Variants in TJP3 observed in about 807,000 individuals in gnomAD.
TJP3 encodes the protein tight junction protein 3.
A neutral mutation model predicts 104.2 loss-of-function variants in TJP3; 85 were observed. The ratio of observed to expected loss-of-function variants is 0.82; its 90% CI spans 0.68 to 0.98. The LOEUF (loss-of-function observed/expected upper bound fraction) is 0.98, where lower values mean the gene tolerates loss of function less well. TJP3 is among the 50% of genes least tolerant of loss of function. TJP3 has a pLI of 0.00. For missense variants in TJP3, 1,367 were observed against 1,322.8 expected (o/e 1.03, Z -0.52); for synonymous variants, 550 against 550.6 (o/e 1.00, Z 0.02).
At chr19:3,749,153 CCACCG>C (rs892067076) in intron 19 of TJP3, among the ~76,000 whole-genome samples, 3 of 151,812 alleles carry the variant, frequency 2.0e-5, no homozygotes, top group African/African-American at 7.3e-5. Context: ...GAGGCGTGAG[CCACCG>C]CACCTGGCCT....
chr19:3,743,794 G>A, intron 14 of TJP3, 145 bp from the exon 15 acceptor site: 1 of 673,986 alleles, frequency 1.5e-6, no homozygotes, highest in Non-Finnish European at 2.6e-6. Context: ...AAAGGACACT[G>A]GGAGATGTAG....
chr19:3,736,319 C>CA lies in TJP3; in HGVS notation c.1283dup (p.Val429GlyfsTer3). On this transcript the variant is annotated frameshift_variant and splice_region_variant, in exon 11 of 21. Transcript: ENST00000541714. LOFTEE classifies it high-confidence loss of function. ...CATCCAGGAGGGAGATCAGATTCTG[C>CA]AGGTGCTCCGGGGGCGGCTGGCCAG... 6.5e-7 allele frequency: 1 copy of CA among 1,528,294 alleles called. No homozygotes were observed. The highest frequency in any genetic ancestry group is 8.8e-7 in the Non-Finnish European group (1 of 1,138,784). The allele number at this position is 1,528,294 out of a possible 1,614,324, so 94.7% of individuals were successfully genotyped here.
chr19:3,746,572 C>A lies in TJP3; in HGVS notation c.2098C>A (p.Pro700Thr). Residue 700 changes from proline (P) to threonine (T), a missense_variant, in exon 17 of 21, where the codon CCC becomes ACC. Physicochemically the swap from Pro to Thr is conservative, Grantham distance 38. Coordinates refer to ENST00000541714, the MANE Select transcript of TJP3 (RefSeq NM_001267560.2). The surrounding 1 kb of genome is among the most constrained non-coding windows in gnomAD (Gnocchi z 4.1). The stretch of plus-strand genomic sequence containing the variant: ...CTACCCCATTGTGGTCTTCTTCATC[C>A]CCGAGAGCCGGCCGGCCCTCAAGGC... ...QYYPIVVFFI[P>T]ESRPALKALR... 1 of 1,614,018 alleles carries A rather than the reference C, an allele frequency of 6.2e-7. No individual in the cohort carries two copies. Among genetic ancestry groups the A allele is most frequent in the South Asian group, 1.1e-5 (1 of 91,092 alleles).
chr19:3,728,352 A>G (rs1398090906), intron 1 of TJP3, 72 bp from the exon 2 acceptor site: 1 of 1,612,068 alleles, frequency 6.2e-7, no homozygotes, highest in African/African-American at 1.3e-5. Context: ...CCCCACCCTG[A>G]GCTGGGGACC....
At chr19:3,711,500 A>C (rs996670081) in intron 1 of TJP3, among the ~76,000 whole-genome samples, 6 of 150,436 alleles carry the variant, frequency 4.0e-5, no homozygotes, top group Non-Finnish European at 8.9e-5. Context: ...CGTCCGGCCA[A>C]AATGAAGGGA....
At chr19:3,728,362 C>G (rs2036624506) in intron 1 of TJP3, 62 bp from the exon 2 acceptor site, 1 of 1,613,140 alleles carries the variant, frequency 6.2e-7, no homozygotes, top group African/African-American at 1.3e-5. Flanking sequence ...AGCTGGGGAC[C>G]CCCAAGTGCT....
At chr19:3,713,144 A>G (rs1407961125) in intron 1 of TJP3, among the ~76,000 whole-genome samples, 2 of 151,922 alleles carry the variant, frequency 1.3e-5, no homozygotes, top group African/African-American at 4.8e-5. Context: ...TCAGCCCTCC[A>G]GTGCCTTAGG....
intron 15 of TJP3, among the ~76,000 whole-genome samples, chr19:3,744,297 G>T (rs1253670911): frequency 1.3e-5 from 2 of 152,154 alleles, no homozygotes; most frequent in Non-Finnish European, 1.5e-5. Flanking sequence ...TTGTTTAAGA[G>T]AAATTTATTG....
Position 3,728,702 on chromosome 19 carries a change from G to A in TJP3, c.147G>A (p.Glu49=). The change falls in exon 3 of 21, where the codon GAG becomes GAA. Residue 49 remains glutamate, a synonymous_variant. Coordinates refer to ENST00000541714, the MANE Select transcript of TJP3 (RefSeq NM_001267560.2). ...ACGTGGTACCTGGAGGGCCGGCGGA[G>A]GGCAGGCTACAGTGAGTATCCAGGC... ...VSDVVPGGPA[E]GRLQTGDHIV... is the part of the protein sequence containing the mutation. The A allele has an allele frequency of 3.1e-6, 5 of 1,613,508 alleles. No individual in the cohort carries two copies. The highest frequency in any genetic ancestry group is 4.2e-6 in the Non-Finnish European group (5 of 1,179,974).
chr19:3,715,800 T>TG (rs1421050027), intron 1 of TJP3, among the ~76,000 whole-genome samples: 2 of 152,138 alleles, frequency 1.3e-5, no homozygotes, highest in African/African-American at 4.8e-5. Flanking sequence ...TTTTTTGAGT[T>TG]GGAGTCTCGC....
In TJP3 at chr19:3,746,768, C is replaced by A; in HGVS notation, c.2222-8C>A. 6.2e-7 allele frequency: 1 copy of A among 1,605,688 alleles called. No homozygotes were observed. The highest frequency in any genetic ancestry group is 8.5e-7 in the Non-Finnish European group (1 of 1,176,032). ...TCTCCTGCACACACTGACGTCCCCT[C>A]CCTGCAGCCACCATCCCTCTGAATG... On this transcript the variant is annotated splice_region_variant and splice_polypyrimidine_tract_variant and intron_variant, in intron 17 of 20. Transcript: ENST00000541714. This position sits in a 1 kb window ranked among gnomAD's most constrained non-coding sequence, Gnocchi z 4.1.
chr19:3,734,242 G>C (rs2036708074), intron 7 of TJP3, 85 bp from the exon 8 acceptor site: 1 of 1,391,678 alleles, frequency 7.2e-7, no homozygotes, highest in Non-Finnish European at 1.0e-6. Flanking sequence ...CCTTTGTTTA[G>C]AGGGGTGTTG....
chr19:3,715,093 G>GTTT (rs34360179), intron 1 of TJP3, among the ~76,000 whole-genome samples: 3 of 142,998 alleles, frequency 2.1e-5, no homozygotes, highest in Non-Finnish European at 3.1e-5. Flanking sequence ...TGGTTGGTTG[G>GTTT]TTTTTTTTTT....
In TJP3 at chr19:3,730,148, G is replaced by A. The variant is rs1228352462; in HGVS notation, c.261+18G>A. The stretch of plus-strand genomic sequence containing the variant: ...CCAACATCGTGAGTAGGCAGCCCCT[G>A]GCATGGCCAGCATCTCTGACCCCAG... On this transcript the variant is annotated intron_variant, in intron 4 of 20. Coordinates refer to ENST00000541714, the MANE Select transcript of TJP3 (RefSeq NM_001267560.2). This position sits in a 1 kb window ranked among gnomAD's most constrained non-coding sequence, Gnocchi z 7.3. The A allele has an allele frequency of 1.2e-6, 2 of 1,611,856 alleles. No individual in the cohort carries two copies. The highest frequency in any genetic ancestry group is 1.7e-6 in the Non-Finnish European group (2 of 1,178,140).
chr19:3,716,797 A>ATTT lies in TJP3; in HGVS notation c.-10+8237_-10+8238insTTT, dbSNP rs1251840414. On this transcript the variant is annotated intron_variant, in intron 1 of 20. Transcript: ENST00000541714. ...AGCTCATACATATATATATATATAT[A>ATTT]TATATTTTTTTTTTTTTTTTGAAAC... Among the ~76,000 whole-genome samples, 165 of 67,842 alleles carry ATTT rather than the reference A, an allele frequency of 2.4e-3. 2 individuals are homozygous for ATTT. Among genetic ancestry groups the ATTT allele is most frequent in the African/African-American group, 7.1e-3 (152 of 21,332 alleles). The allele number at this position is 67,842 out of a possible 152,430, so 44.5% of individuals were successfully genotyped here. A position where few individuals can be genotyped will look rare whatever the true frequency, so the allele number is the denominator to read the frequency against.
At position 3,741,630 on chromosome 19, in the gene TJP3, GA is replaced by G. The variant is rs55944843; in HGVS notation, c.1843+881del. ...CCACAGATTGACACTGTCTTCAAAA[GA>G]AAAAAAAAAAAAAGCATGTTTCTAA... On this transcript the variant is annotated intron_variant, in intron 14 of 20. Transcript: ENST00000541714. 1.7e-3 allele frequency among the ~76,000 whole-genome samples: 228 copies of G among 131,006 alleles called. 2 individuals carry two copies. In the East Asian group the frequency reaches 0.025, roughly 14 times the overall value. 85.9% of individuals were successfully genotyped at this position (131,006 alleles called of 152,430 possible). A position where few individuals can be genotyped will look rare whatever the true frequency, so the allele number is the denominator to read the frequency against.
chr19:3,733,590 C>T (rs973936666), intron 6 of TJP3, among the ~76,000 whole-genome samples, 163 bp from the exon 7 acceptor site: 1 of 152,186 alleles, frequency 6.6e-6, no homozygotes, highest in African/African-American at 2.4e-5. Flanking sequence ...GTGTGGTCTC[C>T]ACTCACAGCA....
At chr19:3,725,926 C>T (rs375164654) in intron 1 of TJP3, among the ~76,000 whole-genome samples, 19 of 152,320 alleles carry the variant, frequency 1.2e-4, no homozygotes, top group East Asian at 1.9e-4. Context: ...CAGTCCTGAG[C>T]GCTGCCCTGG....
At chr19:3,733,236 A>G (rs367971706) in intron 6 of TJP3, among the ~76,000 whole-genome samples, 32 of 151,886 alleles carry the variant, frequency 2.1e-4, no homozygotes, top group African/African-American at 7.5e-4. Flanking sequence ...GGGTTTCACC[A>G]TGATGGCCAG....
Sources: allele counts gnomAD v4.1 joint callset (sites outside exome capture counted in the v4.1 genomes callset), GRCh38; gene constraint gnomAD v4.1.1; non-coding constraint Gnocchi (gnomAD v3.1); transcripts MANE v1.5; gene names NCBI Gene and HGNC (gene_info 2026-07-23, HGNC 2026-07-21).